The following KREMEN1 variants were observed in gnomAD, a reference collection of about 807,000 sequenced individuals.
The protein encoded by KREMEN1 is kringle containing transmembrane protein 1.
A neutral mutation model predicts 46.5 loss-of-function variants in KREMEN1; 30 were observed. The observed-to-expected ratio is 0.65, with a 90% CI of 0.48 to 0.88. KREMEN1 has a LOEUF of 0.88. Among genes scored for constraint, KREMEN1 ranks in the 40% least tolerant of loss-of-function variants. The pLI is 0.00. For synonymous variants in KREMEN1, 214 were observed against 230.6 expected (o/e 0.93, Z 0.65); for missense variants, 533 against 596.9 (o/e 0.89, Z 1.11).
At chr22:29,111,898 C>T (rs1286247400) in intron 3 of KREMEN1, among the ~76,000 whole-genome samples, 1 of 152,170 alleles carries the variant, frequency 6.6e-6, no homozygotes, top group Non-Finnish European at 1.5e-5. Context: ...GATGGCCGTG[C>T]CTTCTGTCTT....
chr22:29,105,818 G>A (rs1182258148), intron 3 of KREMEN1, among the ~76,000 whole-genome samples: 1 of 152,170 alleles, frequency 6.6e-6, no homozygotes, highest in Non-Finnish European at 1.5e-5. Context: ...CTAAGAGGAT[G>A]CCAGCAGTTG....
chr22:29,159,131 T>G (rs1210882956), intron 9 of KREMEN1, among the ~76,000 whole-genome samples: 29 of 149,082 alleles, frequency 1.9e-4, no homozygotes, highest in Middle Eastern at 3.4e-3. Flanking sequence ...AGTGTTTTTT[T>G]TTTTTTTTTT....
intron 9 of KREMEN1, among the ~76,000 whole-genome samples, chr22:29,153,755 C>A (rs541401109): frequency 6.6e-6 from 1 of 151,900 alleles, no homozygotes; most frequent in Non-Finnish European, 1.5e-5. Context: ...CCGAGGCGGG[C>A]GGATCACCTG....
In KREMEN1 at chr22:29,142,496, G is replaced by A; in HGVS notation, c.*384G>A. Reference sequence around the variant, plus strand: ...GGTGGTGGGTAGCTTTAGTTACATTGAATTTTTCTTGCTTCTCTATTTTTG... The same window carrying A: ...GGTGGTGGGTAGCTTTAGTTACATTAAATTTTTCTTGCTTCTCTATTTTTG... On this transcript the variant is annotated 3_prime_UTR_variant, in exon 9 of 9. Coordinates refer to ENST00000400335, the MANE Select transcript of KREMEN1 (RefSeq NM_001039570.3). 1 of 1,001,106 alleles carries A rather than the reference G, an allele frequency of 1.0e-6. No individual in the cohort carries two copies. The highest frequency in any genetic ancestry group is 1.2e-6 in the Non-Finnish European group (1 of 840,694). The allele number at this position is 1,001,106 out of a possible 1,614,324, so 62.0% of individuals were successfully genotyped here. A position where few individuals can be genotyped will look rare whatever the true frequency, so the allele number is the denominator to read the frequency against.
intron 3 of KREMEN1, among the ~76,000 whole-genome samples, chr22:29,113,043 C>T (rs1044115757): frequency 6.6e-6 from 1 of 152,180 alleles, no homozygotes; most frequent in Non-Finnish European, 1.5e-5. Context: ...AGAATTCAGT[C>T]TTGAATCTCA....
At chr22:29,152,711 T>C (rs1376983447) in intron 9 of KREMEN1, among the ~76,000 whole-genome samples, 1 of 152,142 alleles carries the variant, frequency 6.6e-6, no homozygotes, top group Non-Finnish European at 1.5e-5. Flanking sequence ...TTTCCTTTTT[T>C]TCCTCTCTCT....
At chr22:29,123,730 C>T (rs542607001) in intron 4 of KREMEN1, among the ~76,000 whole-genome samples, 21 of 152,250 alleles carry the variant, frequency 1.4e-4, no homozygotes, top group South Asian at 8.3e-4. Context: ...GTGGAGGTTG[C>T]GGTGAGCCAA....
intron 4 of KREMEN1, among the ~76,000 whole-genome samples, chr22:29,123,833 C>T (rs2038397245): frequency 6.6e-6 from 1 of 152,110 alleles, no homozygotes; most frequent in South Asian, 2.1e-4. Context: ...ATATAGTCGA[C>T]ATCATTAGCC....
chr22:29,097,232 G>A (rs1034544212), intron 2 of KREMEN1, among the ~76,000 whole-genome samples: 3 of 152,240 alleles, frequency 2.0e-5, no homozygotes, highest in African/African-American at 4.8e-5. Flanking sequence ...CTAAATAAAA[G>A]GGGCTTGGAA....
chr22:29,095,792 T>C (rs7287223), intron 2 of KREMEN1, among the ~76,000 whole-genome samples: 13,122 of 152,126 alleles, frequency 0.086, 820 homozygotes, highest in African/African-American at 0.17. Flanking sequence ...TATACCTTTC[T>C]CTATCTTGTA....
chr22:29,074,798 C>T (rs1289498446), intron 1 of KREMEN1, among the ~76,000 whole-genome samples: 1 of 152,182 alleles, frequency 6.6e-6, no homozygotes, highest in Non-Finnish European at 1.5e-5. Flanking sequence ...TGGGCCATGC[C>T]TTCAGCTCTC....
At chr22:29,105,991 G>A (rs2038053429) in intron 3 of KREMEN1, among the ~76,000 whole-genome samples, 1 of 152,220 alleles carries the variant, frequency 6.6e-6, no homozygotes, top group East Asian at 1.9e-4. Context: ...AAAATAGGAT[G>A]TGAAAGGTTC....
At chr22:29,131,668 GTA>G (rs1357706719) in intron 5 of KREMEN1, among the ~76,000 whole-genome samples, 2 of 98,100 alleles carry the variant, frequency 2.0e-5, no homozygotes, top group Non-Finnish European at 4.0e-5. Context: ...ATATATACAT[GTA>G]TATATATGCA....
At chr22:29,125,136 G>A (rs941740249) in intron 4 of KREMEN1, 127 bp from the exon 5 acceptor site, 6 of 937,962 alleles carry the variant, frequency 6.4e-6, no homozygotes, top group Non-Finnish European at 1.0e-5. Flanking sequence ...GAAGGGGGAG[G>A]TCCCAGGGGA....
chr22:29,143,471 G>A lies in KREMEN1; in HGVS notation c.*1359G>A, dbSNP rs547971303. ...AAAAAACACCCCAAGGGCCGGGCGCGGTGGCTCATGCCTGTAATCCCAGCA... is the reference window on the plus strand; with the variant it reads ...AAAAAACACCCCAAGGGCCGGGCGCAGTGGCTCATGCCTGTAATCCCAGCA... On this transcript the variant is annotated 3_prime_UTR_variant, in exon 9 of 9. Transcript: ENST00000400335. 5,534 of 985,420 alleles carry A rather than the reference G, an allele frequency of 5.6e-3. 19 individuals are homozygous for A. The highest frequency in any genetic ancestry group is 6.4e-3 in the Non-Finnish European group (5,324 of 829,966). The allele number at this position is 985,420 out of a possible 1,614,324, so 61.0% of individuals were successfully genotyped here.
intron 7 of KREMEN1, among the ~76,000 whole-genome samples, chr22:29,139,859 C>A (rs2038733423): frequency 6.6e-6 from 1 of 152,208 alleles, no homozygotes; most frequent in Non-Finnish European, 1.5e-5. Context: ...TCCAGCACTT[C>A]CTGTGCGTCA....
chr22:29,160,570 A>C (rs533453091), intron 9 of KREMEN1, among the ~76,000 whole-genome samples: 3 of 151,096 alleles, frequency 2.0e-5, no homozygotes, highest in South Asian at 4.2e-4. Flanking sequence ...AAAATTAAGA[A>C]GATCTCTCAA....
rs899283316 is a variant in KREMEN1, at chr22:29,142,639, G to A, written c.*527G>A. ...CAAGTGCGGACTCCTGGACATTAGC[G>A]AGGTGTAAAGAGGGCAGTGTCTGTG... On this transcript the variant is annotated 3_prime_UTR_variant, in exon 9 of 9. Transcript: ENST00000400335. 9.1e-6 allele frequency: 9 copies of A among 985,410 alleles called. No homozygotes were observed. Among genetic ancestry groups the A allele is most frequent in the East Asian group, 1.1e-4 (1 of 8,828 alleles). The allele number at this position is 985,410 out of a possible 1,614,324, so 61.0% of individuals were successfully genotyped here.
Position 29,125,536 on chromosome 22 carries a change from C to T in KREMEN1, c.631+120C>T, listed in dbSNP as rs983748983. 11 of 992,540 alleles carry T rather than the reference C, an allele frequency of 1.1e-5. No individual in the cohort carries two copies. The African/African-American group carries it at 1.8e-4, about 16-fold the overall frequency. The allele number at this position is 992,540 out of a possible 1,614,324, so 61.5% of individuals were successfully genotyped here. On this transcript the variant is annotated intron_variant, in intron 5 of 8. Transcript: ENST00000400335. ...TTCATTCACTTGGCAATAGACAATA[C>T]TTGTGACTAGACCCTGGGAATACAG...
Sources: gnomAD v4.1 joint callset for allele counts (sites outside exome capture counted in the v4.1 genomes callset) on GRCh38, gnomAD v4.1.1 for gene constraint, MANE v1.5 for transcripts, NCBI Gene and HGNC (gene_info 2026-07-23, HGNC 2026-07-21) for gene names.